Variants in NCKAP5 observed in about 807,000 individuals in gnomAD.
The protein encoded by NCKAP5 is nck-associated protein 5.
Under a neutral mutation model 167.0 loss-of-function variants are expected in NCKAP5, and 92 were observed. The observed-to-expected ratio is 0.55, with a 90% CI of 0.47 to 0.66. NCKAP5 has a LOEUF of 0.66. Among genes scored for constraint, NCKAP5 ranks in the 30% least tolerant of loss-of-function variants. The pLI is 0.00. For synonymous variants in NCKAP5, 891 were observed against 877.4 expected (o/e 1.02, Z -0.27); for missense variants, 2,378 against 2,315.0 (o/e 1.03, Z -0.56).
the NCKAP5 span, among the ~76,000 whole-genome samples, chr2:133,642,824 G>T: frequency 3.3e-5 from 5 of 152,218 alleles, no homozygotes; most frequent in Non-Finnish European, 7.3e-5. Flanking sequence ...GTAAATAAAT[G>T]TTATGAAAGT....
the NCKAP5 span, among the ~76,000 whole-genome samples, chr2:133,670,941 C>T: frequency 1.3e-5 from 2 of 152,206 alleles, no homozygotes; most frequent in Admixed American, 1.3e-4. Flanking sequence ...TGAGGCCAGG[C>T]GCAGTGGCTC....
the NCKAP5 span, among the ~76,000 whole-genome samples, chr2:133,573,626 G>C: frequency 6.6e-6 from 1 of 152,190 alleles, no homozygotes; most frequent in African/African-American, 2.4e-5. Context: ...CTTCATGAAA[G>C]GCCCTATGTA....
At chr2:133,321,121 G>A (rs1338432042) in intron 3 of NCKAP5, among the ~76,000 whole-genome samples, 1 of 152,096 alleles carries the variant, frequency 6.6e-6, no homozygotes, top group African/African-American at 2.4e-5. Flanking sequence ...TATCCCAGGT[G>A]GACTGCTCAG....
At chr2:133,622,092 T>C in the NCKAP5 span, among the ~76,000 whole-genome samples, 1 of 152,136 alleles carries the variant, frequency 6.6e-6, no homozygotes, top group African/African-American at 2.4e-5. Flanking sequence ...CATCCCTTTA[T>C]GATTAAAACC....
At chr2:132,682,123 T>C (rs955713763) in intron 19 of NCKAP5, among the ~76,000 whole-genome samples, 1 of 152,206 alleles carries the variant, frequency 6.6e-6, no homozygotes, top group Non-Finnish European at 1.5e-5. Context: ...AGAAGAATTT[T>C]TTTTTGGTGG....
At chr2:133,069,363 C>T (rs986862826) in intron 6 of NCKAP5, among the ~76,000 whole-genome samples, 4 of 152,172 alleles carry the variant, frequency 2.6e-5, no homozygotes, top group Admixed American at 6.5e-5. Context: ...TCCTTTTGGA[C>T]ACTAAATCTT....
At chr2:132,993,760 G>T (rs1409269372) in intron 7 of NCKAP5, among the ~76,000 whole-genome samples, 2 of 152,138 alleles carry the variant, frequency 1.3e-5, no homozygotes, top group Non-Finnish European at 2.9e-5. Context: ...CACCTTAAAT[G>T]TCACACCTCT....
intron 3 of NCKAP5, among the ~76,000 whole-genome samples, chr2:133,347,448 G>A (rs1684055918): frequency 6.6e-6 from 1 of 152,096 alleles, no homozygotes; most frequent in African/African-American, 2.4e-5. Context: ...AGCTACTCAG[G>A]AGGCTGAGGC....
In NCKAP5 at chr2:133,448,386, C is replaced by A. The variant is rs72846365; in HGVS notation, c.69+69072G>T. 5.3e-5 allele frequency among the ~76,000 whole-genome samples: 8 copies of A among 152,190 alleles called. 1 individual carries two copies. The highest frequency in any genetic ancestry group is 1.9e-4 in the African/African-American group (8 of 41,524). On this transcript the variant is annotated intron_variant, in intron 3 of 19. Coordinates refer to ENST00000409261, the MANE Select transcript of NCKAP5 (RefSeq NM_207363.3). ...TATTTCATTGACATGAGAGGAAGAG[C>A]GAGCCCGTATTTAACTAATCTATCC...
At chr2:133,354,103 T>C (rs1684544736) in intron 3 of NCKAP5, among the ~76,000 whole-genome samples, 1 of 152,226 alleles carries the variant, frequency 6.6e-6, no homozygotes, top group South Asian at 2.1e-4. Context: ...CCTCAGGGGT[T>C]TGGGCAGTGA....
intron 5 of NCKAP5, among the ~76,000 whole-genome samples, chr2:133,184,217 T>C (rs4954038): frequency 0.49 from 75,147 of 151,920 alleles, 19,196 homozygotes; most frequent in East Asian, 0.74. Context: ...ACACACCATA[T>C]TTGGTTTTCT....
rs538823922 is a variant in NCKAP5, at chr2:132,776,946, G to C, written c.5050-3052C>G. ...TGGGAAAGCACTGCAAAGAATGGGA[G>C]AGTGAACACAAAACCAAGAAGTCTG... On this transcript the variant is annotated intron_variant, in intron 15 of 19. Transcript: ENST00000409261. Among the ~76,000 whole-genome samples the C allele has an allele frequency of 6.3e-4, 96 of 152,268 alleles. 1 individual carries two copies. The highest frequency in any genetic ancestry group is 2.0e-3 in the African/African-American group (83 of 41,558).
chr2:132,873,149 G>T (rs1226164789), intron 9 of NCKAP5, among the ~76,000 whole-genome samples: 1 of 152,110 alleles, frequency 6.6e-6, no homozygotes, highest in Non-Finnish European at 1.5e-5. Context: ...TGTCACCCAG[G>T]CTGGAGTGCA....
intron 5 of NCKAP5, among the ~76,000 whole-genome samples, chr2:133,209,992 C>T (rs534739774): frequency 3.7e-4 from 56 of 151,952 alleles, no homozygotes; most frequent in Admixed American, 3.5e-3. Flanking sequence ...TAGTGAAACC[C>T]CATCACTACT....
At chr2:132,887,980 G>C (rs921678848) in intron 8 of NCKAP5, among the ~76,000 whole-genome samples, 1 of 152,074 alleles carries the variant, frequency 6.6e-6, no homozygotes, top group Non-Finnish European at 1.5e-5. Context: ...TCACAAGTAG[G>C]GGCCACACAT....
intron 3 of NCKAP5, among the ~76,000 whole-genome samples, chr2:133,448,620 A>G (rs985788784): frequency 1.3e-5 from 2 of 152,168 alleles, no homozygotes; most frequent in Non-Finnish European, 2.9e-5. Flanking sequence ...AAGAAAGTCT[A>G]CTGACAAAAG....
At chr2:133,665,862 C>T in the NCKAP5 span, among the ~76,000 whole-genome samples, 2 of 152,156 alleles carry the variant, frequency 1.3e-5, no homozygotes, top group East Asian at 3.8e-4. Context: ...TGTATTTCAT[C>T]TTATGAATAT....
intron 6 of NCKAP5, among the ~76,000 whole-genome samples, chr2:133,021,247 T>C (rs1271798967): frequency 6.6e-6 from 1 of 152,150 alleles, no homozygotes; most frequent in African/African-American, 2.4e-5. Flanking sequence ...ATAGACATAT[T>C]CAATGCCTAG....
intron 3 of NCKAP5, among the ~76,000 whole-genome samples, chr2:133,473,443 T>C (rs1249376957): frequency 6.6e-6 from 1 of 152,188 alleles, no homozygotes; most frequent in Non-Finnish European, 1.5e-5. Flanking sequence ...GCTTGCTGGG[T>C]ATTATCCCCC....
Sources: gnomAD v4.1 joint callset for allele counts (sites outside exome capture counted in the v4.1 genomes callset) on GRCh38, gnomAD v4.1.1 for gene constraint, MANE v1.5 for transcripts, NCBI Gene and HGNC (gene_info 2026-07-23, HGNC 2026-07-21) for gene names.